NAV1: variants seen among roughly 807,000 people sequenced by gnomAD.
NAV1 encodes the protein neuron navigator 1, also known as pore membrane and/or filament interacting like protein 3.
A neutral mutation model predicts 175.2 loss-of-function variants in NAV1; 18 were observed. That is an observed-to-expected ratio of 0.10 (90% CI 0.07 to 0.15). The LOEUF is 0.15. NAV1 is among the 10% of genes least tolerant of loss of function. NAV1 has a pLI of 1.00. For synonymous variants in NAV1, 897 were observed against 978.7 expected (o/e 0.92, Z 1.56); for missense variants, 1,731 against 2,436.6 (o/e 0.71, Z 6.10).
chr1:201,695,018 C>G (rs1671128579), intron 1 of NAV1, among the ~76,000 whole-genome samples: 1 of 152,172 alleles, frequency 6.6e-6, no homozygotes, highest in Non-Finnish European at 1.5e-5. Flanking sequence ...TTCATATATC[C>G]AAAAGGCAGG....
At chr1:201,799,631 G>A (rs1006573718) in intron 15 of NAV1, among the ~76,000 whole-genome samples, 5 of 152,162 alleles carry the variant, frequency 3.3e-5, no homozygotes, top group Admixed American at 6.5e-5. Context: ...AGGCCATGGC[G>A]GGTGAATCAC....
intron 1 of NAV1, among the ~76,000 whole-genome samples, chr1:201,549,110 TC>T (rs761832103): frequency 2.7e-5 from 4 of 146,700 alleles, no homozygotes; most frequent in Non-Finnish European, 4.6e-5. Context: ...TTTCTTTCTT[TC>T]TTTCTTTCTT....
intron 1 of NAV1, among the ~76,000 whole-genome samples, chr1:201,546,140 C>A (rs2102446733): frequency 6.6e-6 from 1 of 152,358 alleles, no homozygotes; most frequent in South Asian, 2.1e-4. Context: ...CAGCTGCCTG[C>A]CTTTGTCTCT....
chr1:201,547,853 G>T lies in NAV1; in HGVS notation c.-144+8511G>T, dbSNP rs762267187. 1.7e-4 allele frequency among the ~76,000 whole-genome samples: 26 copies of T among 152,126 alleles called. 1 individual carries two copies. Among genetic ancestry groups the T allele is most frequent in the Non-Finnish European group, 1.3e-4 (9 of 68,038 alleles). On this transcript the variant is annotated intron_variant, in intron 1 of 33. Coordinates refer to the NAV1 transcript ENST00000685211. Reference sequence around the variant, plus strand: ...TCTGTTGCCCAGGCTAGAGTGCAGTGGCATGATCTCGGCTCACTGCAACCT... The same window carrying T: ...TCTGTTGCCCAGGCTAGAGTGCAGTTGCATGATCTCGGCTCACTGCAACCT...
At chr1:201,799,196 G>GTGTGTGTGT (rs1553277504) in intron 15 of NAV1, among the ~76,000 whole-genome samples, 3 of 151,386 alleles carry the variant, frequency 2.0e-5, no homozygotes, top group African/African-American at 7.3e-5. Flanking sequence ...GTGTGTGTGT[G>GTGTGTGTGT]GAGAGAGAGA....
chr1:201,618,130 T>TC, upstream of NAV1, among the ~76,000 whole-genome samples: 1 of 152,226 alleles, frequency 6.6e-6, no homozygotes, highest in Non-Finnish European at 1.5e-5. Flanking sequence ...GTGTATTCTC[T>TC]CCCCTTTCTT....
chr1:201,571,168 G>T (rs1666530937), intron 1 of NAV1, among the ~76,000 whole-genome samples: 1 of 152,232 alleles, frequency 6.6e-6, no homozygotes, highest in Non-Finnish European at 1.5e-5. Context: ...GGGCTAGCCA[G>T]TGGGACTAAG....
Position 201,813,574 on chromosome 1 carries a change from T to G in NAV1, c.5340+316T>G, listed in dbSNP as rs1165045228. Among the ~76,000 whole-genome samples the G allele has an allele frequency of 6.6e-6, 1 of 151,546 alleles. No individual in the cohort carries two copies. The highest frequency in any genetic ancestry group is 1.5e-5 in the Non-Finnish European group (1 of 67,966). On this transcript the variant is annotated intron_variant, in intron 28 of 29. Transcript: ENST00000367296. The surrounding 1 kb of genome is among the most constrained non-coding windows in gnomAD (Gnocchi z 4.2). ...GCTAAGAAGTAAGTAAAACCCTAAT[T>G]AAAACAAACAAACAAACAAACAAAA... is the stretch of plus-strand genomic sequence containing the variant.
intron 1 of NAV1, among the ~76,000 whole-genome samples, chr1:201,579,852 T>C (rs2102190758): frequency 6.6e-6 from 1 of 152,318 alleles, no homozygotes; most frequent in South Asian, 2.1e-4. Context: ...AATTGGCTCA[T>C]GTGATTTTGG....
chr1:201,754,660 C>T (rs1403347934), intron 3 of NAV1, among the ~76,000 whole-genome samples: 2 of 152,154 alleles, frequency 1.3e-5, no homozygotes, highest in Middle Eastern at 3.2e-3. Context: ...CCATGTGGCT[C>T]ATGAGTGATG....
In NAV1 at chr1:201,648,623, C is replaced by A. The variant is rs765683939; in HGVS notation, c.-46C>A. 2.6e-5 allele frequency: 33 copies of A among 1,291,736 alleles called. No homozygotes were observed. The South Asian group carries it at 4.8e-4, about 19-fold the overall frequency. 80.0% of individuals were successfully genotyped at this position (1,291,736 alleles called of 1,614,324 possible). ...GCTCCCGCCCCCTGCCCCCTCCCCC[C>A]GTGCCTGCAGACGCGCGGATCGTCC... On this transcript the variant is annotated 5_prime_UTR_variant, in exon 1 of 30. Coordinates refer to ENST00000367296, the Ensembl canonical transcript of NAV1.
At chr1:201,818,698 A>G (rs1394237060) in intron 29 of NAV1, among the ~76,000 whole-genome samples, 1 of 152,232 alleles carries the variant, frequency 6.6e-6, no homozygotes, top group African/African-American at 2.4e-5. Context: ...ATAGACTTTT[A>G]TACTCCGCTG....
Position 201,810,115 on chromosome 1 carries a change from T to C in NAV1, c.4561+10T>C, listed in dbSNP as rs754350091. 18 of 1,613,200 alleles carry C rather than the reference T, an allele frequency of 1.1e-5. No homozygotes were observed. Among genetic ancestry groups the C allele is most frequent in the Middle Eastern group, 3.3e-4 (2 of 6,046 alleles). On this transcript the variant is annotated intron_variant, in intron 23 of 29. Transcript: ENST00000367296. This position sits in a 1 kb window ranked among gnomAD's most constrained non-coding sequence, Gnocchi z 6.0. ...TCAGTCTCCCTCAAAGGTCAGTCTT[T>C]GTCTCTTGGGGTGAGGTGGTGTGGC...
At chr1:201,697,240 G>T (rs1368150032) in intron 1 of NAV1, among the ~76,000 whole-genome samples, 1 of 152,160 alleles carries the variant, frequency 6.6e-6, no homozygotes, top group Non-Finnish European at 1.5e-5. Context: ...CGAGTCACAG[G>T]GTCCCCAGTG....
intron 2 of NAV1, among the ~76,000 whole-genome samples, chr1:201,596,345 CT>C (rs1667347804): frequency 6.6e-6 from 1 of 152,234 alleles, no homozygotes; most frequent in Non-Finnish European, 1.5e-5. Context: ...CAGGGACTCT[CT>C]TCCCTTCTTT....
intron 2 of NAV1, among the ~76,000 whole-genome samples, chr1:201,617,452 G>A (rs1032737202): frequency 3.9e-5 from 6 of 152,288 alleles, no homozygotes; most frequent in African/African-American, 1.4e-4. Flanking sequence ...GCTGGGCACG[G>A]GAGCTCATGC....
At chr1:201,731,273 TGA>T (rs1236569884) in intron 3 of NAV1, among the ~76,000 whole-genome samples, 1 of 151,898 alleles carries the variant, frequency 6.6e-6, no homozygotes, top group African/African-American at 2.4e-5. Context: ...CAAACGTGTG[TGA>T]GAGGTGGCTG....
intron 2 of NAV1, among the ~76,000 whole-genome samples, chr1:201,614,374 C>T (rs1341167038): frequency 6.6e-6 from 1 of 152,208 alleles, no homozygotes; most frequent in African/African-American, 2.4e-5. Context: ...CCCCCAACCC[C>T]GGCAGCTGCT....
intron 1 of NAV1, among the ~76,000 whole-genome samples, chr1:201,709,708 G>A (rs1300327763): frequency 6.6e-6 from 1 of 152,170 alleles, no homozygotes; most frequent in Non-Finnish European, 1.5e-5. Flanking sequence ...GCCTCTGCAG[G>A]GCCCCTCCAG....
Sources: gnomAD v4.1 joint callset for allele counts (sites outside exome capture counted in the v4.1 genomes callset) on GRCh38, gnomAD v4.1.1 for gene constraint, Gnocchi (gnomAD v3.1) non-coding constraint, MANE v1.5 for transcripts, NCBI Gene and HGNC (gene_info 2026-07-23, HGNC 2026-07-21) for gene names.